Variants in IFNAR1 observed in about 807,000 individuals in gnomAD.
IFNAR1 encodes the protein interferon alpha and beta receptor subunit 1.
Under a neutral mutation model 62.1 loss-of-function variants are expected in IFNAR1, and 47 were observed. The observed-to-expected ratio is 0.76, with a 90% confidence interval of 0.60 to 0.97. IFNAR1 has a LOEUF of 0.97. Among genes scored for constraint, IFNAR1 ranks in the 50% least tolerant of loss-of-function variants. IFNAR1 has a pLI of 0.00. For missense variants in IFNAR1, 638 were observed against 654.5 expected (o/e 0.97, Z 0.27); for synonymous variants, 219 against 226.9 (o/e 0.97, Z 0.31).
chr21:33,343,775 A>G, intron 5 of IFNAR1, 99 bp downstream of exon 5: 2 of 718,812 alleles, frequency 2.8e-6, no homozygotes. Context: ...ATAGGTCAAT[A>G]TATGTTAAAA....
Position 33,356,166 on chromosome 21 carries a change from C to T in IFNAR1, c.*617C>T, listed in dbSNP as rs902704935. ...TTCCTCCTGTGAGCCTAAGTGCAGC[C>T]GTGCTAGCTGCGCACCGTGGCTAAG... On this transcript the variant is annotated 3_prime_UTR_variant, in exon 11 of 11. Coordinates refer to ENST00000270139, the MANE Select transcript of IFNAR1 (RefSeq NM_000629.3). 1 of 152,238 alleles carries T rather than the reference C, an allele frequency of 6.6e-6. No homozygotes were observed. Among genetic ancestry groups the T allele is most frequent in the African/African-American group, 2.4e-5 (1 of 41,446 alleles). The allele number at this position is 152,238 out of a possible 1,614,324, so 9.4% of individuals were successfully genotyped here. A position where few individuals can be genotyped will look rare whatever the true frequency, so the allele number is the denominator to read the frequency against.
At chr21:33,333,526 A>T (rs2083200727) in intron 1 of IFNAR1, among the ~76,000 whole-genome samples, 1 of 152,162 alleles carries the variant, frequency 6.6e-6, no homozygotes, top group Non-Finnish European at 1.5e-5. Flanking sequence ...GAAAACTTTA[A>T]CAAAATGACA....
At chr21:33,330,184 A>G (rs1181368250) in intron 1 of IFNAR1, among the ~76,000 whole-genome samples, 1 of 152,212 alleles carries the variant, frequency 6.6e-6, no homozygotes, top group Non-Finnish European at 1.5e-5. Context: ...GAAACACACC[A>G]TCCAGATATC....
chr21:33,327,543 C>T (rs942872538), intron 1 of IFNAR1, among the ~76,000 whole-genome samples: 4 of 152,192 alleles, frequency 2.6e-5, no homozygotes, highest in African/African-American at 7.2e-5. Flanking sequence ...GGACTAATAG[C>T]CTTGGGGCTT....
In IFNAR1 at chr21:33,356,897, CTG is replaced by C. The variant is rs1403830496; in HGVS notation, c.*1350_*1351del. On this transcript the variant is annotated 3_prime_UTR_variant, in exon 11 of 11. Transcript: ENST00000270139. The stretch of plus-strand genomic sequence containing the variant: ...AACCCACTCTTGTTATGGGTGGTCT[CTG>C]TCACTTTGAATGCCAGGCTGGCTTC... 6.6e-6 allele frequency: 1 copy of C among 152,212 alleles called. No individual in the cohort carries two copies. The highest frequency in any genetic ancestry group is 1.9e-4 in the East Asian group (1 of 5,202). The allele number at this position is 152,212 out of a possible 1,614,324, so 9.4% of individuals were successfully genotyped here.
At position 33,343,257 on chromosome 21, in the gene IFNAR1, T is replaced by C. The variant is rs202161321; in HGVS notation, c.377-11T>C. 721 of 1,604,240 alleles carry C rather than the reference T, an allele frequency of 4.5e-4. 3 individuals carry two copies. Among genetic ancestry groups the C allele is most frequent in the Non-Finnish European group, 2.6e-5 (31 of 1,175,220 alleles). ...TAAAGTTCCATAGTAATTGTTTTGA[T>C]TTTTTTGCAGCTCAGATTGGTCCTC... On this transcript the variant is annotated splice_polypyrimidine_tract_variant and intron_variant, in intron 3 of 10. Coordinates refer to ENST00000270139, the MANE Select transcript of IFNAR1 (RefSeq NM_000629.3).
In IFNAR1 at chr21:33,333,650, G is replaced by A. The variant is rs2083203915; in HGVS notation, c.77-1874G>A. Among the ~76,000 whole-genome samples the A allele has an allele frequency of 4.4e-5, 5 of 114,314 alleles. No individual in the cohort carries two copies. In the South Asian group the frequency reaches 1.5e-3, roughly 35 times the overall value. 75.0% of individuals were successfully genotyped at this position (114,314 alleles called of 152,430 possible). On this transcript the variant is annotated intron_variant, in intron 1 of 10. Coordinates refer to ENST00000270139, the MANE Select transcript of IFNAR1 (RefSeq NM_000629.3). ...TCTTTTTTTTTTTTTTTGAGACGGA[G>A]TCTCGCTCTGTTGCCCAGGCTGGAG...
chr21:33,359,631 T>G lies in IFNAR1; in HGVS notation c.*4082T>G, dbSNP rs1176897670. ...AAGTAGTTCTTCTTTCAGGATTAGT[T>G]CGTTCCAAGGAGGCTCTTCAGTCTC... On this transcript the variant is annotated 3_prime_UTR_variant, in exon 11 of 11. Transcript: ENST00000270139. 1 of 152,202 alleles carries G rather than the reference T, an allele frequency of 6.6e-6. No individual in the cohort carries two copies. Among genetic ancestry groups the G allele is most frequent in the Non-Finnish European group, 1.5e-5 (1 of 68,036 alleles). 9.4% of individuals were successfully genotyped at this position (152,202 alleles called of 1,614,324 possible). A position where few individuals can be genotyped will look rare whatever the true frequency, so the allele number is the denominator to read the frequency against.
rs141255788 is a variant in IFNAR1 at position 33,330,319 on chromosome 21, T to G, written c.76+5188T>G. On this transcript the variant is annotated intron_variant, in intron 1 of 10. Transcript: ENST00000270139. ...CCTCCCCACTCACTCCCCTGCCCCA[T>G]GGATTTAAAGGGCTAGAAATCTCCC... is the stretch of plus-strand genomic sequence containing the variant. Among the ~76,000 whole-genome samples, 131 of 152,258 alleles carry G rather than the reference T, an allele frequency of 8.6e-4. 1 individual carries two copies. The highest frequency in any genetic ancestry group is 1.5e-3 in the Non-Finnish European group (102 of 68,018).
chr21:33,334,711 AC>A, intron 1 of IFNAR1: 1 of 849,990 alleles, frequency 1.2e-6, no homozygotes, highest in Non-Finnish European at 2.0e-6. Flanking sequence ...ACCTTCCCTG[AC>A]CCCAGTGTCA....
intron 3 of IFNAR1, among the ~76,000 whole-genome samples, chr21:33,342,688 CAAAAAAAAAAAAA>C (rs757422966): frequency 1.1e-5 from 1 of 93,504 alleles, no homozygotes; most frequent in Admixed American, 1.1e-4. Context: ...ACTAAAAATA[CAAAAAAAAAAAAA>C]AAAAAACTAG....
intron 1 of IFNAR1, among the ~76,000 whole-genome samples, chr21:33,333,003 T>G (rs1389082915): frequency 6.6e-6 from 1 of 152,206 alleles, no homozygotes; most frequent in African/African-American, 2.4e-5. Context: ...TCCAGAAAGC[T>G]CAATGATTCC....
Position 33,357,530 on chromosome 21 carries a change from G to GTTTTTT in IFNAR1, c.*1991_*1996dup, listed in dbSNP as rs36125058. 7.2e-6 allele frequency: 1 copy of GTTTTTT among 139,670 alleles called. No individual in the cohort carries two copies. The highest frequency in any genetic ancestry group is 2.7e-5 in the African/African-American group (1 of 37,238). 8.7% of individuals were successfully genotyped at this position (139,670 alleles called of 1,614,324 possible). ...ATTTTCATCTTTCTGACCAGAGGCTGTTTTTTTTTTTTTTTGAGACAGTCT... is the reference window on the plus strand; with the variant it reads ...ATTTTCATCTTTCTGACCAGAGGCTGTTTTTTTTTTTTTTTTTTTTTGAGACAGTCT... On this transcript the variant is annotated 3_prime_UTR_variant, in exon 11 of 11. Transcript: ENST00000270139.
chr21:33,333,072 G>T (rs754379544), intron 1 of IFNAR1, among the ~76,000 whole-genome samples: 8 of 152,150 alleles, frequency 5.3e-5, no homozygotes, highest in Non-Finnish European at 1.0e-4. Flanking sequence ...GTTGTCAAAA[G>T]TCAAAGACAG....
At position 33,357,319 on chromosome 21, in the gene IFNAR1, G is replaced by A. The variant is rs941739508; in HGVS notation, c.*1770G>A. The stretch of plus-strand genomic sequence containing the variant: ...GAAAAGGTTGAAGGCAGCTGCCCTC[G>A]GGAGGGCTGTGATGCTCGGCACATC... On this transcript the variant is annotated 3_prime_UTR_variant, in exon 11 of 11. Transcript: ENST00000270139. The A allele has an allele frequency of 2.0e-5, 3 of 152,250 alleles. No homozygotes were observed. Among genetic ancestry groups the A allele is most frequent in the African/African-American group, 4.8e-5 (2 of 41,446 alleles). The allele number at this position is 152,250 out of a possible 1,614,324, so 9.4% of individuals were successfully genotyped here.
chr21:33,343,538 A>G lies in IFNAR1; in HGVS notation c.535A>G (p.Arg179Gly). The G allele has an allele frequency of 6.5e-7, 1 of 1,532,128 alleles. No homozygotes were observed. Among genetic ancestry groups the G allele is most frequent in the Non-Finnish European group, 9.0e-7 (1 of 1,111,862 alleles). 94.9% of individuals were successfully genotyped at this position (1,532,128 alleles called of 1,614,324 possible). The change falls in exon 5 of 11, where the codon AGG (arginine) becomes GGG (glycine). Residue 179 changes from arginine (R) to glycine (G), a missense_variant. Physicochemically the swap from Arg to Gly is moderately radical, Grantham distance 125. Transcript: ENST00000270139. The part of the protein sequence containing the change: ...IWKNSSGVEE[R>G]IENIYSRHKI... The stretch of plus-strand genomic sequence containing the variant: ...CCAACTTATATTTGTGTTATAGGAA[A>G]GGATTGAAAATATTTATTCCAGACA...
At chr21:33,329,342 C>G (rs1049555962) in intron 1 of IFNAR1, among the ~76,000 whole-genome samples, 1 of 152,004 alleles carries the variant, frequency 6.6e-6, no homozygotes, top group African/African-American at 2.4e-5. Flanking sequence ...GGATGAGAAC[C>G]AAGTTAAGAA....
chr21:33,352,115 T>G lies in IFNAR1; in HGVS notation c.1144-643T>G, dbSNP rs1472148090. 3.9e-5 allele frequency among the ~76,000 whole-genome samples: 6 copies of G among 152,242 alleles called. No homozygotes were observed. In the East Asian group the frequency reaches 1.2e-3, roughly 29 times the overall value. On this transcript the variant is annotated intron_variant, in intron 8 of 10. Coordinates refer to ENST00000270139, the MANE Select transcript of IFNAR1 (RefSeq NM_000629.3). ...GCTTGCAAGACCACACAGCTGTAAG[T>G]GATACTCTTAATAAGGCAGTTTGAG...
At chr21:33,324,920 G>A, upstream of IFNAR1, 1 of 658,314 alleles carries the variant, frequency 1.5e-6, no homozygotes, top group Non-Finnish European at 2.6e-6. Flanking sequence ...GGCGGCGCGT[G>A]CGTAGAGGGG....
Sources: gnomAD v4.1 joint callset for allele counts (sites outside exome capture counted in the v4.1 genomes callset) on GRCh38, gnomAD v4.1.1 for gene constraint, MANE v1.5 for transcripts, NCBI Gene and HGNC (gene_info 2026-07-23, HGNC 2026-07-21) for gene names.